Variants in LHFPL3 observed in about 807,000 individuals in gnomAD.
LHFPL3 encodes the protein LHFPL tetraspan subfamily member 3 protein.
Under a neutral mutation model 19.3 loss-of-function variants are expected in LHFPL3, and 5 were observed. The ratio of observed to expected loss-of-function variants is 0.26; its 90% confidence interval spans 0.14 to 0.54. LHFPL3 has a LOEUF of 0.54. LHFPL3 is among the 20% of genes least tolerant of loss of function. The probability of loss-of-function intolerance (pLI) is 0.94; values close to 1 mark genes in which losing one functional copy is unlikely to be tolerated. For missense variants in LHFPL3, 249 were observed against 307.4 expected (o/e 0.81, Z 1.42); for synonymous variants, 133 against 126.2 (o/e 1.05, Z -0.36).
At chr7:104,391,859 A>C (rs571635809) in intron 1 of LHFPL3, among the ~76,000 whole-genome samples, 35 of 151,988 alleles carry the variant, frequency 2.3e-4, no homozygotes, top group Non-Finnish European at 1.0e-4. Context: ...CTTTTATTTC[A>C]TTGAGCAATG....
intron 1 of LHFPL3, among the ~76,000 whole-genome samples, chr7:104,425,488 T>C (rs981244484): frequency 2.0e-5 from 3 of 152,184 alleles, no homozygotes; most frequent in Non-Finnish European, 2.9e-5. Context: ...GCTCAATAAA[T>C]GTTAGATGTT....
rs745895032 is a variant in LHFPL3, at chr7:104,328,800, TGCC to T, written c.39_41del (p.Ala14del). On this transcript the variant is annotated inframe_deletion, in exon 1 of 3. Coordinates refer to ENST00000424859, the MANE Select transcript of LHFPL3 (RefSeq NM_199000.3). This position sits in a 1 kb window ranked among gnomAD's most constrained non-coding sequence, Gnocchi z 4.6. ...GGAGAATGCCCGGAGCCGCCGCCGC[TGCC>T]GCCGCCGCCGCCGCCGCGATGCTCC... The T allele has an allele frequency of 1.5e-4, 237 of 1,550,282 alleles. No homozygotes were observed. The highest frequency in any genetic ancestry group is 3.7e-4 in the Admixed American group (21 of 56,742).
intron 1 of LHFPL3, among the ~76,000 whole-genome samples, chr7:104,681,978 C>T (rs1584478170): frequency 4.6e-5 from 7 of 152,014 alleles, no homozygotes; most frequent in Non-Finnish European, 8.8e-5. Context: ...TACAAATAAC[C>T]GAACCATAGC....
Position 104,775,818 on chromosome 7 carries a change from T to A in LHFPL3, c.682+38907T>A, listed in dbSNP as rs557773704. On this transcript the variant is annotated intron_variant, in intron 2 of 2. Transcript: ENST00000424859. ...TCTGAAAGGCTTATTCTTTAAGGTT[T>A]CTTCTTCTAGGTTCCCTGGGAGTTC... 5.3e-5 allele frequency among the ~76,000 whole-genome samples: 8 copies of A among 151,354 alleles called. No homozygotes were observed. In the South Asian group the frequency reaches 1.7e-3, roughly 32 times the overall value.
At chr7:104,461,069 G>T (rs1369598036) in intron 1 of LHFPL3, among the ~76,000 whole-genome samples, 1 of 152,166 alleles carries the variant, frequency 6.6e-6, no homozygotes, top group Non-Finnish European at 1.5e-5. Flanking sequence ...AGGTTTAATT[G>T]ACTCACAGTT....
At chr7:104,559,892 G>GT (rs2115942001) in intron 1 of LHFPL3, among the ~76,000 whole-genome samples, 1 of 145,512 alleles carries the variant, frequency 6.9e-6, no homozygotes, top group East Asian at 2.0e-4. Context: ...TAGCATGAAG[G>GT]TTGTTGAATT....
intron 1 of LHFPL3, among the ~76,000 whole-genome samples, chr7:104,654,594 A>C (rs1373736009): frequency 6.6e-6 from 1 of 152,158 alleles, no homozygotes; most frequent in Non-Finnish European, 1.5e-5. Flanking sequence ...GAATATCATG[A>C]AAATTAGACA....
At chr7:104,420,416 A>T (rs1419181045) in intron 1 of LHFPL3, among the ~76,000 whole-genome samples, 3 of 152,250 alleles carry the variant, frequency 2.0e-5, no homozygotes, top group Non-Finnish European at 4.4e-5. Flanking sequence ...GAGGATTTTT[A>T]AAAAAGAAAA....
chr7:104,763,784 G>A (rs745697726), intron 2 of LHFPL3, among the ~76,000 whole-genome samples: 5 of 152,200 alleles, frequency 3.3e-5, no homozygotes, highest in African/African-American at 1.2e-4. Flanking sequence ...TTGTTTGGTT[G>A]TTTGGGAAGT....
At chr7:104,391,055 T>A (rs1430386447) in intron 1 of LHFPL3, among the ~76,000 whole-genome samples, 2 of 152,202 alleles carry the variant, frequency 1.3e-5, no homozygotes, top group Non-Finnish European at 2.9e-5. Context: ...TGTAAATTTG[T>A]TTGAGTTCTT....
At chr7:104,455,293 G>A (rs1792518137) in intron 1 of LHFPL3, among the ~76,000 whole-genome samples, 1 of 152,210 alleles carries the variant, frequency 6.6e-6, no homozygotes, top group Non-Finnish European at 1.5e-5. Context: ...GTGCAAATTA[G>A]TTGATTCACA....
intron 1 of LHFPL3, among the ~76,000 whole-genome samples, chr7:104,574,551 G>T (rs981523161): frequency 1.3e-5 from 2 of 152,128 alleles, no homozygotes; most frequent in Non-Finnish European, 2.9e-5. Flanking sequence ...GGAGTCTTTA[G>T]GGGAGAGGAA....
intron 1 of LHFPL3, among the ~76,000 whole-genome samples, chr7:104,660,276 C>T (rs913598918): frequency 3.9e-5 from 6 of 152,224 alleles, no homozygotes; most frequent in Admixed American, 3.9e-4. Context: ...GCTGGGATTA[C>T]AGGCGTGAGC....
intron 1 of LHFPL3, among the ~76,000 whole-genome samples, chr7:104,494,466 T>C (rs377182847): frequency 1.3e-5 from 2 of 152,216 alleles, no homozygotes; most frequent in Non-Finnish European, 2.9e-5. Flanking sequence ...TTTGCTGAGA[T>C]CTCTCCTCTC....
At chr7:104,739,652 A>G (rs1424317955) in intron 2 of LHFPL3, among the ~76,000 whole-genome samples, 2 of 152,150 alleles carry the variant, frequency 1.3e-5, no homozygotes, top group Non-Finnish European at 1.5e-5. Flanking sequence ...TGATAAAACT[A>G]CTGAGATGTA....
intron 1 of LHFPL3, among the ~76,000 whole-genome samples, chr7:104,364,810 A>G (rs1790453601): frequency 6.6e-6 from 1 of 152,224 alleles, no homozygotes; most frequent in Non-Finnish European, 1.5e-5. Flanking sequence ...GAGACTGGAG[A>G]AGATTCTTGC....
At chr7:104,343,117 T>C (rs1041244120) in intron 1 of LHFPL3, among the ~76,000 whole-genome samples, 48 of 152,252 alleles carry the variant, frequency 3.2e-4, no homozygotes, top group African/African-American at 8.2e-4. Context: ...GTCTCACTTA[T>C]AATTCTTCGT....
At chr7:104,613,220 C>G (rs1791243224) in intron 1 of LHFPL3, among the ~76,000 whole-genome samples, 1 of 152,132 alleles carries the variant, frequency 6.6e-6, no homozygotes. Context: ...AACATCCTGG[C>G]CATTTAAAAG....
chr7:104,668,704 G>C (rs1584470841), intron 1 of LHFPL3: 7 of 1,604,742 alleles, frequency 4.4e-6, no homozygotes, highest in East Asian at 4.5e-5. Flanking sequence ...GATTATAGGC[G>C]TGATGATAGA....
Sources: allele counts gnomAD v4.1 joint callset (sites outside exome capture counted in the v4.1 genomes callset), GRCh38; gene constraint gnomAD v4.1.1; non-coding constraint Gnocchi (gnomAD v3.1); transcripts MANE v1.5; gene names NCBI Gene and HGNC (gene_info 2026-07-23, HGNC 2026-07-21).